CNBP: variants seen among roughly 807,000 people sequenced by gnomAD.
CNBP encodes cellular nucleic acid-binding protein.
CNBP carries 6 observed loss-of-function variants against 21.2 expected under a neutral mutation model. The ratio of observed to expected loss-of-function variants is 0.28; its 90% CI spans 0.16 to 0.56. The LOEUF is 0.56. Ranked by LOEUF, CNBP falls within the 20% of genes least tolerant of loss-of-function variation. The pLI is 0.93. For missense variants in CNBP, 112 were observed against 233.1 expected (o/e 0.48, Z 3.38); for synonymous variants, 61 against 74.9 (o/e 0.81, Z 0.96).
intron 1 of CNBP, among the ~76,000 whole-genome samples, chr3:129,179,754 C>A (rs1938159240): frequency 6.6e-6 from 1 of 152,126 alleles, no homozygotes; most frequent in South Asian, 2.1e-4. Flanking sequence ...ATCGCTTGAA[C>A]CCAGGAGGTG....
intron 1 of CNBP, among the ~76,000 whole-genome samples, chr3:129,176,991 G>A (rs933468088): frequency 6.6e-6 from 1 of 152,092 alleles, no homozygotes; most frequent in East Asian, 1.9e-4. Flanking sequence ...GTGTGGCTGA[G>A]AAATTTACAC....
In CNBP at chr3:129,170,202, C is replaced by A; in HGVS notation, c.*251G>T. The A allele has an allele frequency of 2.2e-6, 1 of 453,544 alleles. No homozygotes were observed. Among genetic ancestry groups the A allele is most frequent in the Non-Finnish European group, 4.0e-6 (1 of 249,424 alleles). The allele number at this position is 453,544 out of a possible 1,614,324, so 28.1% of individuals were successfully genotyped here. ...CTTCCCATTCATCAATCCCTATTCACCAGTGGCACGGAAAGGGGGTTCTTT... is the reference window on the plus strand; with the variant it reads ...CTTCCCATTCATCAATCCCTATTCAACAGTGGCACGGAAAGGGGGTTCTTT... On this transcript the variant is annotated 3_prime_UTR_variant, in exon 5 of 5. Coordinates refer to ENST00000422453, the MANE Select transcript of CNBP (RefSeq NM_003418.5).
At chr3:129,180,117 C>T (rs1164438555) in intron 1 of CNBP, among the ~76,000 whole-genome samples, 1 of 151,240 alleles carries the variant, frequency 6.6e-6, no homozygotes, top group Non-Finnish European at 1.5e-5. Context: ...GGGAATTATA[C>T]CAATTCAATC....
intron 3 of CNBP, 48 bp from the exon 4 acceptor site, chr3:129,171,325 A>G (rs748226157): frequency 1.2e-5 from 19 of 1,609,656 alleles, no homozygotes; most frequent in Non-Finnish European, 1.5e-5. Flanking sequence ...AAACCTTTAC[A>G]AAGTGTTACG....
rs1937510700 is a variant in CNBP at position 129,168,646 on chromosome 3, A to C, written c.*1807T>G. 6.6e-6 allele frequency among the ~76,000 whole-genome samples: 1 copy of C among 150,398 alleles called. No individual in the cohort carries two copies. The highest frequency in any genetic ancestry group is 2.4e-5 in the African/African-American group (1 of 41,002). Reference sequence around the variant, plus strand: ...AAAAAAAAAGGCCCAGGAAAAACACAAAAATAGCAATGGTATTAAAACTGT... The same window carrying C: ...AAAAAAAAAGGCCCAGGAAAAACACCAAAATAGCAATGGTATTAAAACTGT... On this transcript the variant is annotated 3_prime_UTR_variant, in exon 5 of 5. Transcript: ENST00000422453.
chr3:129,180,412 C>T (rs760343664), intron 1 of CNBP, among the ~76,000 whole-genome samples: 2 of 152,212 alleles, frequency 1.3e-5, no homozygotes, highest in Non-Finnish European at 2.9e-5. Context: ...CAACTTGCTT[C>T]ACTAGTTAAC....
At chr3:129,172,649 CAGGCAGGCAGACAG>C (rs1937619090) in intron 1 of CNBP, among the ~76,000 whole-genome samples, 1 of 107,668 alleles carries the variant, frequency 9.3e-6, no homozygotes, top group Non-Finnish European at 2.0e-5. Context: ...GGCAGGCAGG[CAGGCAGGCAGACAG>C]ACAGACAGAC....
intron 1 of CNBP, among the ~76,000 whole-genome samples, chr3:129,173,169 T>G (rs1307952877): frequency 6.6e-6 from 1 of 152,228 alleles, no homozygotes; most frequent in Non-Finnish European, 1.5e-5. Context: ...TTTCTTGCCA[T>G]TATTCCCTAA....
Position 129,171,707 on chromosome 3 carries a change from C to T in CNBP, c.51G>A (p.Arg17=), listed in dbSNP as rs1416118252. 6.2e-7 allele frequency: 1 copy of T among 1,614,158 alleles called. No homozygotes were observed. The highest frequency in any genetic ancestry group is 1.1e-5 in the South Asian group (1 of 91,092). ...CACGGCCTCCACCAGTAGGACATTCCCGGGCCCAGTGGCCAGATCGTCCAC... is the reference window on the plus strand; with the variant it reads ...CACGGCCTCCACCAGTAGGACATTCTCGGGCCCAGTGGCCAGATCGTCCAC... The part of the protein sequence containing the change: ...FKCGRSGHWA[R]ECPTGGGRGR... Residue 17 remains arginine (R), a synonymous_variant, in exon 2 of 5, where the codon CGG becomes CGA. Transcript: ENST00000422453.
At chr3:129,180,235 T>A (rs1402539891) in intron 1 of CNBP, among the ~76,000 whole-genome samples, 1 of 152,188 alleles carries the variant, frequency 6.6e-6, no homozygotes, top group East Asian at 1.9e-4. Context: ...TCATTCTGTA[T>A]TTCTCTTTAG....
At chr3:129,172,644 GCAGGCAGGCAGGCAGA>G (rs1287707741) in intron 1 of CNBP, among the ~76,000 whole-genome samples, 2,217 of 110,648 alleles carry the variant, frequency 0.02, 32 homozygotes, top group Middle Eastern at 0.029. Context: ...AGGCAGGCAG[GCAGGCAGGCAGGCAGA>G]CAGACAGACA....
intron 1 of CNBP, among the ~76,000 whole-genome samples, chr3:129,173,485 T>G (rs1576914503): frequency 6.6e-6 from 1 of 152,154 alleles, no homozygotes; most frequent in Admixed American, 6.5e-5. Context: ...TTTCTTTTAT[T>G]CTCCCCTTTC....
intron 1 of CNBP, among the ~76,000 whole-genome samples, 187 bp from the exon 2 acceptor site, chr3:129,171,958 T>G (rs1326698994): frequency 6.6e-6 from 1 of 151,236 alleles, no homozygotes; most frequent in Non-Finnish European, 1.5e-5. Flanking sequence ...GGTGGGTGGA[T>G]CATGAGATCG....
Position 129,171,635 on chromosome 3 carries a change from T to G in CNBP, c.123A>C (p.Arg41Ser), listed in dbSNP as rs777074291. The G allele has an allele frequency of 6.2e-7, 1 of 1,614,182 alleles. No individual in the cohort carries two copies. The highest frequency in any genetic ancestry group is 2.2e-5 in the East Asian group (1 of 44,882). ...SRGRGGFTSD[R>S]GFQFVSSSLP... is the part of the protein sequence containing the mutation. Reference sequence around the variant, plus strand: ...AAATTTTTCTATTCGACAAAATACCTCTATCCGAGGTAAAACCACCTCTGC... The same window carrying G: ...AAATTTTTCTATTCGACAAAATACCGCTATCCGAGGTAAAACCACCTCTGC... Residue 41 changes from arginine to serine, a missense_variant and splice_region_variant, in exon 2 of 5, where the codon AGA (arginine) becomes AGC (serine). Physicochemically the swap from Arg to Ser is moderately radical, Grantham distance 110. Transcript: ENST00000422453.
chr3:129,178,749 ATT>A (rs538954518), intron 1 of CNBP, among the ~76,000 whole-genome samples: 1 of 144,746 alleles, frequency 6.9e-6, no homozygotes, highest in Non-Finnish European at 1.5e-5. Flanking sequence ...AACACTTCAG[ATT>A]TTTTTTTTTT....
rs1937530852 is a variant in CNBP at position 129,169,442 on chromosome 3, AGACAT to A, written c.*1006_*1010del. ...TTTTAACAGCAATTTTCATTATTGA[AGACAT>A]GACTTAAGTACAAAAAGAAAAGTCC... On this transcript the variant is annotated 3_prime_UTR_variant, in exon 5 of 5. Transcript: ENST00000422453. The A allele has an allele frequency of 1.0e-5, 2 of 193,322 alleles. No homozygotes were observed. Among genetic ancestry groups the A allele is most frequent in the Non-Finnish European group, 2.2e-5 (2 of 92,672 alleles). 12.0% of individuals were successfully genotyped at this position (193,322 alleles called of 1,614,324 possible).
intron 1 of CNBP, among the ~76,000 whole-genome samples, chr3:129,175,869 T>C (rs1212478332): frequency 6.6e-6 from 1 of 152,038 alleles, no homozygotes. Context: ...TTAAAAGAGG[T>C]CTTTGAGTGG....
intron 4 of CNBP, among the ~76,000 whole-genome samples, 158 bp downstream of exon 4, chr3:129,170,921 T>C (rs1209431889): frequency 6.6e-6 from 1 of 151,770 alleles, no homozygotes; most frequent in East Asian, 2.0e-4. Flanking sequence ...TACAGAATTA[T>C]ATACAGATAG....
At position 129,171,636 on chromosome 3, in the gene CNBP, C is replaced by G. The variant is rs1560033115; in HGVS notation, c.122G>C (p.Arg41Thr). 6.2e-7 allele frequency: 1 copy of G among 1,614,204 alleles called. No homozygotes were observed. The highest frequency in any genetic ancestry group is 8.5e-7 in the Non-Finnish European group (1 of 1,180,022). ...AATTTTTCTATTCGACAAAATACCT[C>G]TATCCGAGGTAAAACCACCTCTGCC... ...SRGRGGFTSD[R>T]GFQFVSSSLP... Residue 41 changes from arginine to threonine, a missense_variant and splice_region_variant, in exon 2 of 5, where the codon AGA becomes ACA. By Grantham distance (71) the Arg-to-Thr change is moderately conservative (BLOSUM62 -1). Transcript: ENST00000422453.
Sources: gnomAD v4.1 joint callset for allele counts (sites outside exome capture counted in the v4.1 genomes callset) on GRCh38, gnomAD v4.1.1 for gene constraint, MANE v1.5 for transcripts, NCBI Gene and HGNC (gene_info 2026-07-23, HGNC 2026-07-21) for gene names.